Variants in SMAD3 observed in about 807,000 individuals in gnomAD.
SMAD3 encodes MAD homolog 3.
A neutral mutation model predicts 51.8 loss-of-function variants in SMAD3; 12 were observed. That is an observed-to-expected ratio of 0.23 (90% CI 0.15 to 0.38). SMAD3 has a LOEUF of 0.38. Among genes scored for constraint, SMAD3 ranks in the 10% least tolerant of loss-of-function variants. The probability of loss-of-function intolerance (pLI) is 1.00; values close to 1 mark genes in which losing one functional copy is unlikely to be tolerated. For missense variants in SMAD3, 294 were observed against 565.6 expected, an observed-to-expected ratio of 0.52 and a Z score of 4.87; for synonymous variants, 238 against 227.7, an observed-to-expected ratio of 1.05 and a Z score of -0.41.
chr15:67,188,537 T>G (rs1963282004), intron 8 of SMAD3, among the ~76,000 whole-genome samples: 1 of 152,098 alleles, frequency 6.6e-6, no homozygotes, highest in Non-Finnish European at 1.5e-5. Context: ...GAGAATCCAG[T>G]CCCTTTTCTT....
intron 1 of SMAD3, among the ~76,000 whole-genome samples, chr15:67,097,817 C>G (rs1439776025): frequency 6.6e-6 from 1 of 152,090 alleles, no homozygotes; most frequent in Non-Finnish European, 1.5e-5. Context: ...TCTAGGAATC[C>G]TGGCCTTCAA....
In SMAD3 at chr15:67,138,016, A is replaced by C. The variant is rs771452877; in HGVS notation, c.207-26879A>C. On this transcript the variant is annotated intron_variant, in intron 1 of 8. Transcript: ENST00000327367. ...TCCCTCCCGTCCCTGTGACCTCCCA[A>C]CTTCACAAACATGTCTTGCCTGCAC... 15 of 1,551,014 alleles carry C rather than the reference A, an allele frequency of 9.7e-6. No individual in the cohort carries two copies. In the African/African-American group the frequency reaches 1.5e-4, roughly 16 times the overall value.
chr15:67,065,962 A>T lies in SMAD3; in HGVS notation c.-193A>T. The T allele has an allele frequency of 4.8e-6, 1 of 208,266 alleles. No individual in the cohort carries two copies. Among genetic ancestry groups the T allele is most frequent in the Non-Finnish European group, 9.5e-6 (1 of 104,882 alleles). 12.9% of individuals were successfully genotyped at this position (208,266 alleles called of 1,614,324 possible). On this transcript the variant is annotated 5_prime_UTR_variant, in exon 1 of 9. Transcript: ENST00000327367. Reference sequence around the variant, plus strand: ...TCGCCGTGGGAGCCGCTCCGGGCGCAGGGCCGCGCGCCGAGCCCCGCAGGC... The same window carrying T: ...TCGCCGTGGGAGCCGCTCCGGGCGCTGGGCCGCGCGCCGAGCCCCGCAGGC...
chr15:67,070,608 ATTAT>A (rs780886110), intron 1 of SMAD3, among the ~76,000 whole-genome samples: 2 of 151,526 alleles, frequency 1.3e-5, no homozygotes, highest in Admixed American at 6.6e-5. Context: ...TGAATAGGGC[ATTAT>A]TTGAGTATCT....
chr15:67,086,350 T>G (rs184831117), intron 1 of SMAD3, among the ~76,000 whole-genome samples: 1 of 152,274 alleles, frequency 6.6e-6, no homozygotes, highest in Non-Finnish European at 1.5e-5. Context: ...CAGTAGCATC[T>G]AAACAGCCCT....
rs1963310991 is a variant in SMAD3, at chr15:67,189,705, G to C, written c.1155-708G>C. On this transcript the variant is annotated intron_variant, in intron 8 of 8. Coordinates refer to ENST00000327367, the MANE Select transcript of SMAD3 (RefSeq NM_005902.4). ...GGCACCAGCGACTCCAGCCTCAGCAGATAGCCTTTGCTCAGTGGAGGCCTT... is the reference window on the plus strand; with the variant it reads ...GGCACCAGCGACTCCAGCCTCAGCACATAGCCTTTGCTCAGTGGAGGCCTT... Among the ~76,000 whole-genome samples the C allele has an allele frequency of 2.0e-5, 3 of 152,230 alleles. No individual in the cohort carries two copies. In the South Asian group the frequency reaches 6.2e-4, roughly 32 times the overall value.
intron 1 of SMAD3, among the ~76,000 whole-genome samples, chr15:67,132,386 G>T (rs1015154750): frequency 6.6e-6 from 1 of 152,110 alleles, no homozygotes; most frequent in African/African-American, 2.4e-5. Flanking sequence ...TCTCCACCCC[G>T]GGAATCTATA....
At chr15:67,069,582 T>G (rs1960006371) in intron 1 of SMAD3, among the ~76,000 whole-genome samples, 1 of 152,116 alleles carries the variant, frequency 6.6e-6, no homozygotes, top group African/African-American at 2.4e-5. Flanking sequence ...AGACCAAGCT[T>G]AAAGCATTGC....
intron 1 of SMAD3, among the ~76,000 whole-genome samples, chr15:67,100,964 C>A (rs1005303013): frequency 2.4e-4 from 36 of 152,198 alleles, no homozygotes; most frequent in African/African-American, 8.7e-4. Flanking sequence ...TTCTGGGTCA[C>A]TGAGGATCAG....
intron 8 of SMAD3, 85 bp from the exon 9 acceptor site, chr15:67,190,328 C>G: frequency 7.6e-7 from 1 of 1,307,914 alleles, no homozygotes; most frequent in Non-Finnish European, 1.1e-6. Flanking sequence ...TGACTGTCAC[C>G]AAAGCAGAAA....
intron 1 of SMAD3, among the ~76,000 whole-genome samples, chr15:67,098,057 G>A (rs540176814): frequency 1.3e-5 from 2 of 152,268 alleles, no homozygotes; most frequent in East Asian, 1.9e-4. Flanking sequence ...TGGAGCATTC[G>A]TGGGTGTGCC....
chr15:67,077,493 A>C (rs1960196243), intron 1 of SMAD3, among the ~76,000 whole-genome samples: 1 of 152,194 alleles, frequency 6.6e-6, no homozygotes, highest in Non-Finnish European at 1.5e-5. Context: ...TTTGCTGGAA[A>C]TCTTTATTAA....
chr15:67,158,773 C>G (rs1962349151), intron 1 of SMAD3, among the ~76,000 whole-genome samples: 1 of 152,216 alleles, frequency 6.6e-6, no homozygotes, highest in African/African-American at 2.4e-5. Context: ...AAGCACCAGA[C>G]AGACATGAGG....
At chr15:67,175,692 C>T (rs903370478) in intron 5 of SMAD3, among the ~76,000 whole-genome samples, 8 of 152,294 alleles carry the variant, frequency 5.3e-5, no homozygotes, top group African/African-American at 1.9e-4. Context: ...GGTGAGACTC[C>T]ACGCTGACAG....
Position 67,162,946 on chromosome 15 carries a change from GTGATGATGATGATGA to G in SMAD3, c.207-1920_207-1906del, listed in dbSNP as rs57597599. On this transcript the variant is annotated intron_variant, in intron 1 of 8. Coordinates refer to ENST00000327367, the MANE Select transcript of SMAD3 (RefSeq NM_005902.4). ...TCATTGTGTGTAATTGTAGGTTTCT[GTGATGATGATGATGA>G]TGATGATGATGATGATGATGATGAT... Among the ~76,000 whole-genome samples, 87 of 145,446 alleles carry G rather than the reference GTGATGATGATGATGA, an allele frequency of 6.0e-4. 1 individual carries two copies. Among genetic ancestry groups the G allele is most frequent in the South Asian group, 1.8e-3 (8 of 4,470 alleles).
intron 5 of SMAD3, among the ~76,000 whole-genome samples, chr15:67,177,264 A>C (rs572508172): frequency 6.6e-6 from 1 of 152,178 alleles, no homozygotes; most frequent in Non-Finnish European, 1.5e-5. Flanking sequence ...TCTACTAGGA[A>C]GCTCAGAGCC....
chr15:67,068,433 G>A (rs1959977723), intron 1 of SMAD3, among the ~76,000 whole-genome samples: 1 of 152,192 alleles, frequency 6.6e-6, no homozygotes, highest in Admixed American at 6.5e-5. Flanking sequence ...CCTTGCCTTG[G>A]TAGGAGTTTG....
intron 8 of SMAD3, among the ~76,000 whole-genome samples, chr15:67,188,798 A>G (rs539980777): frequency 3.3e-5 from 5 of 152,354 alleles, no homozygotes; most frequent in Non-Finnish European, 7.3e-5. Flanking sequence ...CACCGTTTGT[A>G]ATGAAATCCA....
chr15:67,066,001 C>A lies in SMAD3; in HGVS notation c.-154C>A. The stretch of plus-strand genomic sequence containing the variant: ...AGCCCCGCAGGCTGCAGCGCCGCGG[C>A]CCGGCCCGGCGCCCCGGCAACTTCG... On this transcript the variant is annotated 5_prime_UTR_variant, in exon 1 of 9. Transcript: ENST00000327367. 3.5e-6 allele frequency: 1 copy of A among 282,994 alleles called. No homozygotes were observed. The highest frequency in any genetic ancestry group is 2.2e-5 in the African/African-American group (1 of 44,740). 17.5% of individuals were successfully genotyped at this position (282,994 alleles called of 1,614,324 possible).
Sources: gnomAD v4.1 joint callset for allele counts (sites outside exome capture counted in the v4.1 genomes callset) on GRCh38, gnomAD v4.1.1 for gene constraint, MANE v1.5 for transcripts, NCBI Gene and HGNC (gene_info 2026-07-23, HGNC 2026-07-21) for gene names.